Variants in FLI1 observed in about 807,000 individuals in gnomAD.
FLI1 encodes the protein Friend leukemia integration 1 transcription factor.
A neutral mutation model predicts 53.1 loss-of-function variants in FLI1; 13 were observed. The observed-to-expected ratio is 0.24, with a 90% CI of 0.16 to 0.39. The LOEUF is 0.39. Among genes scored for constraint, FLI1 ranks in the 10% least tolerant of loss-of-function variants. FLI1 has a pLI of 1.00. For missense variants in FLI1, 424 were observed against 600.5 expected (o/e 0.71, Z 3.07); for synonymous variants, 244 against 236.7 (o/e 1.03, Z -0.28).
intron 3 of FLI1, among the ~76,000 whole-genome samples, chr11:128,769,065 A>C (rs922054164): frequency 1.3e-5 from 2 of 152,230 alleles, no homozygotes; most frequent in Non-Finnish European, 2.9e-5. Flanking sequence ...TAACTAATGG[A>C]GTGCCTTAAC....
At chr11:128,723,611 C>G (rs1939347635) in intron 1 of FLI1, among the ~76,000 whole-genome samples, 1 of 152,120 alleles carries the variant, frequency 6.6e-6, no homozygotes, top group African/African-American at 2.4e-5. Context: ...ATAGAAAAAC[C>G]CTGCTTGAGA....
At chr11:128,756,787 C>A (rs1211299302) in intron 1 of FLI1, among the ~76,000 whole-genome samples, 2 of 152,116 alleles carry the variant, frequency 1.3e-5, no homozygotes, top group Non-Finnish European at 2.9e-5. Flanking sequence ...TGCCCTGGTC[C>A]CTGACCTTGG....
At chr11:128,710,839 ATC>A (rs1938756117) in intron 1 of FLI1, among the ~76,000 whole-genome samples, 1 of 152,234 alleles carries the variant, frequency 6.6e-6, no homozygotes. Flanking sequence ...AGGTTCCAAA[ATC>A]TCTCTTTTGA....
rs1403289816 is a variant in FLI1, at chr11:128,803,254, C to T, written c.656-2112C>T. ...CCCCACATACCACAAGCTCATTCTT[C>T]ACCACACCCTGTTTTCTAGCATGGC... On this transcript the variant is annotated intron_variant, in intron 5 of 8. Coordinates refer to ENST00000527786, the MANE Select transcript of FLI1 (RefSeq NM_002017.5). Among the ~76,000 whole-genome samples the T allele has an allele frequency of 3.3e-5, 5 of 152,190 alleles. No homozygotes were observed. The East Asian group carries it at 9.6e-4, about 29-fold the overall frequency.
At chr11:128,732,136 C>T (rs570443120) in intron 1 of FLI1, among the ~76,000 whole-genome samples, 71 of 152,278 alleles carry the variant, frequency 4.7e-4, no homozygotes, top group African/African-American at 1.7e-3. Context: ...GGCACCAAAG[C>T]ATGCTGAGCC....
intron 1 of FLI1, among the ~76,000 whole-genome samples, chr11:128,699,633 G>T (rs1461661241): frequency 6.6e-6 from 1 of 152,132 alleles, no homozygotes; most frequent in African/African-American, 2.4e-5. Flanking sequence ...TTCCCATTAT[G>T]TATTAATTGA....
At chr11:128,686,827 C>T (rs1381081460) in intron 1 of FLI1, 5 of 226,368 alleles carry the variant, frequency 2.2e-5, no homozygotes, top group Admixed American at 5.3e-5. Context: ...ACTCTCGGCT[C>T]GTGGATCTCA....
chr11:128,796,704 G>T (rs1313323986), intron 5 of FLI1, among the ~76,000 whole-genome samples: 1 of 152,236 alleles, frequency 6.6e-6, no homozygotes, highest in Non-Finnish European at 1.5e-5. Context: ...GCCGGGCGTG[G>T]TGGCTCACGC....
intron 7 of FLI1, 43 bp downstream of exon 7, chr11:128,807,282 A>T: frequency 7.0e-7 from 1 of 1,427,786 alleles, no homozygotes; most frequent in Non-Finnish European, 9.6e-7. Flanking sequence ...CTTCCTGCAC[A>T]GTTGTTGATT....
At chr11:128,746,471 G>C (rs559768463) in intron 1 of FLI1, among the ~76,000 whole-genome samples, 1 of 152,254 alleles carries the variant, frequency 6.6e-6, no homozygotes, top group East Asian at 1.9e-4. Context: ...CATCCTTTAG[G>C]ATCTGAATGT....
chr11:128,719,073 G>A (rs996425152), intron 1 of FLI1, among the ~76,000 whole-genome samples: 3 of 152,178 alleles, frequency 2.0e-5, no homozygotes, highest in African/African-American at 7.2e-5. Flanking sequence ...TATTCTGGAG[G>A]CAGAGTTGAA....
At chr11:128,743,004 T>C (rs1459238297) in intron 1 of FLI1, among the ~76,000 whole-genome samples, 1 of 152,124 alleles carries the variant, frequency 6.6e-6, no homozygotes, top group African/African-American at 2.4e-5. Flanking sequence ...CTGGCTTCAT[T>C]GACTTTGGGT....
chr11:128,778,101 A>T (rs1031872363), intron 4 of FLI1, among the ~76,000 whole-genome samples: 3 of 152,202 alleles, frequency 2.0e-5, no homozygotes, highest in Non-Finnish European at 2.9e-5. Flanking sequence ...TAGAGCAAAA[A>T]TGCCCTCAAT....
Position 128,764,617 on chromosome 11 carries a change from C to G in FLI1, c.231-3501C>G, listed in dbSNP as rs561318825. On this transcript the variant is annotated intron_variant, in intron 2 of 8. Coordinates refer to ENST00000527786, the MANE Select transcript of FLI1 (RefSeq NM_002017.5). ...TGGCAAAACCTCGTCCCGCACTCCCCCTCCCTCTTGTTTTCATCAAGCCTT... is the reference window on the plus strand; with the variant it reads ...TGGCAAAACCTCGTCCCGCACTCCCGCTCCCTCTTGTTTTCATCAAGCCTT... 2.6e-6 allele frequency: 4 copies of G among 1,526,992 alleles called. No homozygotes were observed. The Admixed American group carries it at 5.9e-5, about 23-fold the overall frequency. The allele number at this position is 1,526,992 out of a possible 1,614,324, so 94.6% of individuals were successfully genotyped here.
In FLI1 at chr11:128,810,725, G is replaced by A; in HGVS notation, c.1096G>A (p.Ala366Thr). Residue 366 changes from alanine (A) to threonine (T), a missense_variant, in exon 9 of 9, where the codon GCC (alanine) becomes ACC (threonine). Transcript: ENST00000527786. This position sits in a 1 kb window ranked among gnomAD's most constrained non-coding sequence, Gnocchi z 6.6. ...YAYKFDFHGI[A>T]QALQPHPTES... ...TTACAAATTTGACTTCCACGGCATT[G>A]CCCAGGCTCTGCAGCCACATCCGAC... The A allele has an allele frequency of 6.2e-7, 1 of 1,614,036 alleles. No homozygotes were observed. Among genetic ancestry groups the A allele is most frequent in the Non-Finnish European group, 8.5e-7 (1 of 1,179,890 alleles).
chr11:128,757,089 T>TTTC (rs1940915478), intron 1 of FLI1, among the ~76,000 whole-genome samples: 1 of 141,256 alleles, frequency 7.1e-6, no homozygotes, highest in South Asian at 2.2e-4. Context: ...TCTTTCTTTC[T>TTTC]TTCTTTCTTT....
At chr11:128,764,583 C>T in intron 2 of FLI1, 1 of 1,416,526 alleles carries the variant, frequency 7.1e-7, no homozygotes, top group South Asian at 1.2e-5. Flanking sequence ...GCAGTGCAGG[C>T]AAGCTGAATG....
chr11:128,710,495 T>TC (rs1316432452), intron 1 of FLI1, among the ~76,000 whole-genome samples: 1 of 152,150 alleles, frequency 6.6e-6, no homozygotes, highest in African/African-American at 2.4e-5. Context: ...TACTGCTTTT[T>TC]CTCCATGACA....
intron 1 of FLI1, among the ~76,000 whole-genome samples, chr11:128,741,838 G>A (rs1940150993): frequency 6.6e-6 from 1 of 152,120 alleles, no homozygotes; most frequent in Admixed American, 6.5e-5. Flanking sequence ...CTGAGGCAAT[G>A]GCTCCCTTGC....
Sources: allele counts gnomAD v4.1 joint callset (sites outside exome capture counted in the v4.1 genomes callset), GRCh38; gene constraint gnomAD v4.1.1; non-coding constraint Gnocchi (gnomAD v3.1); transcripts MANE v1.5; gene names NCBI Gene and HGNC (gene_info 2026-07-23, HGNC 2026-07-21).